VWA3B: variants seen among roughly 807,000 people sequenced by gnomAD.
The protein encoded by VWA3B is von Willebrand factor A domain-containing protein 3B.
VWA3B carries 138 observed loss-of-function variants against 158.3 expected under a neutral mutation model. The observed-to-expected ratio is 0.87, with a 90% CI of 0.76 to 1.00. The LOEUF (loss-of-function observed/expected upper bound fraction) is 1.00. Among genes scored for constraint, VWA3B ranks in the 50% least tolerant of loss-of-function variants. The probability of loss-of-function intolerance (pLI) is 0.00; values close to 1 mark genes in which losing one functional copy is unlikely to be tolerated. For synonymous variants in VWA3B, 596 were observed against 587.3 expected (o/e 1.01, Z -0.21); for missense variants, 1,555 against 1,565.1 (o/e 0.99, Z 0.11).
At chr2:98,215,395 C>T (rs1158144093) in intron 13 of VWA3B, among the ~76,000 whole-genome samples, 2 of 148,848 alleles carry the variant, frequency 1.3e-5, no homozygotes, top group African/African-American at 2.5e-5. Context: ...GAGCCGAGAT[C>T]GCGCCACTGC....
intron 23 of VWA3B, among the ~76,000 whole-genome samples, chr2:98,293,442 T>C (rs1689615593): frequency 1.3e-5 from 2 of 152,230 alleles, no homozygotes; most frequent in Admixed American, 1.3e-4. Context: ...GTGCCCTCTC[T>C]TCCCAGTCAC....
At chr2:98,208,579 T>A (rs970148214) in intron 12 of VWA3B, among the ~76,000 whole-genome samples, 2 of 152,218 alleles carry the variant, frequency 1.3e-5, no homozygotes, top group African/African-American at 2.4e-5. Context: ...ATGTAACTTA[T>A]CACAGCCTAT....
intron 22 of VWA3B, among the ~76,000 whole-genome samples, chr2:98,279,886 G>A (rs763899063): frequency 6.6e-6 from 1 of 152,168 alleles, no homozygotes; most frequent in Non-Finnish European, 1.5e-5. Flanking sequence ...AGAGAGCAAG[G>A]GGGATGCGTG....
Position 98,228,304 on chromosome 2 carries a change from T to A in VWA3B, c.2122T>A (p.Tyr708Asn), listed in dbSNP as rs1461007866. The A allele has an allele frequency of 1.9e-6, 3 of 1,613,974 alleles. No individual in the cohort carries two copies. Among genetic ancestry groups the A allele is most frequent in the South Asian group, 2.2e-5 (2 of 91,056 alleles). ...TGAGTCCTTGATCATGGACTGGTGG[T>A]ACAATGCAGAAAAGGATGGAGACAG... The part of the protein sequence containing the change: ...YSESLIMDWW[Y>N]NAEKDGDSKH... The change falls in exon 15 of 28, where the codon TAC becomes AAC. Residue 708 changes from tyrosine (Y) to asparagine (N), a missense_variant. Transcript: ENST00000477737.
At chr2:98,225,095 C>T (rs1367005723) in intron 14 of VWA3B, among the ~76,000 whole-genome samples, 1 of 152,158 alleles carries the variant, frequency 6.6e-6, no homozygotes, top group African/African-American at 2.4e-5. Flanking sequence ...GCCACCATGC[C>T]CAGCTAATTT....
chr2:98,120,697 C>T (rs1436837858), intron 4 of VWA3B, among the ~76,000 whole-genome samples: 1 of 152,172 alleles, frequency 6.6e-6, no homozygotes, highest in Non-Finnish European at 1.5e-5. Flanking sequence ...TCAAATGGCT[C>T]TTCTTTTTTT....
chr2:98,192,455 G>A (rs1029175249), intron 10 of VWA3B: 1 of 187,792 alleles, frequency 5.3e-6, no homozygotes. Context: ...GAGCTTTTGA[G>A]CCAGGATGAG....
intron 2 of VWA3B, among the ~76,000 whole-genome samples, chr2:98,096,167 GTTT>G (rs1219798259): frequency 1.8e-4 from 28 of 152,258 alleles, no homozygotes; most frequent in African/African-American, 6.5e-4. Flanking sequence ...TCCTCTTCAA[GTTT>G]TTGGGAAGAG....
In VWA3B at chr2:98,119,612, C is replaced by T. The variant is rs772865808; in HGVS notation, c.391C>T (p.Arg131Trp). The change falls in exon 4 of 28, where the codon CGG becomes TGG. Residue 131 changes from arginine (R) to tryptophan (W), a missense_variant. Arg to Trp is a moderately radical substitution (Grantham distance 101). Coordinates refer to ENST00000477737, the MANE Select transcript of VWA3B (RefSeq NM_144992.5). ...AATGGACTGGCTCACCAGCAAGAGC[C>T]GGCAGATTTTTGGTGTCATCTTGGA... is the stretch of plus-strand genomic sequence containing the variant. The part of the protein sequence containing the change: ...QRMDWLTSKS[R>W]QIFGVILEQC... 66 of 1,613,808 alleles carry T rather than the reference C, an allele frequency of 4.1e-5. No homozygotes were observed. Among genetic ancestry groups the T allele is most frequent in the South Asian group, 1.1e-4 (10 of 91,060 alleles).
intron 2 of VWA3B, among the ~76,000 whole-genome samples, chr2:98,108,340 T>A (rs1380516989): frequency 6.6e-6 from 1 of 152,230 alleles, no homozygotes; most frequent in Non-Finnish European, 1.5e-5. Flanking sequence ...CTGCTGTTGT[T>A]TTATAGAGCT....
intron 12 of VWA3B, among the ~76,000 whole-genome samples, chr2:98,208,416 G>A (rs1486877368): frequency 2.0e-5 from 3 of 151,914 alleles, no homozygotes; most frequent in African/African-American, 4.8e-5. Flanking sequence ...ATTTTTGTGT[G>A]TCTCCTCTGT....
chr2:98,156,776 A>G (rs1411836403), intron 7 of VWA3B, among the ~76,000 whole-genome samples: 2 of 150,262 alleles, frequency 1.3e-5, no homozygotes, highest in Non-Finnish European at 2.9e-5. Flanking sequence ...TATAAATGGT[A>G]TCACTTATCC....
intron 2 of VWA3B, among the ~76,000 whole-genome samples, chr2:98,105,321 T>G (rs1683361044): frequency 6.6e-6 from 1 of 152,244 alleles, no homozygotes; most frequent in African/African-American, 2.4e-5. Flanking sequence ...AAAGATCCCA[T>G]GTACCTTTCA....
chr2:98,200,836 G>A (rs1490525570), intron 12 of VWA3B, among the ~76,000 whole-genome samples: 1 of 152,160 alleles, frequency 6.6e-6, no homozygotes, highest in Non-Finnish European at 1.5e-5. Context: ...TTCATTTTGA[G>A]TTCATTTTTG....
intron 2 of VWA3B, among the ~76,000 whole-genome samples, chr2:98,113,407 C>G (rs1674296489): frequency 6.6e-6 from 1 of 152,038 alleles, no homozygotes; most frequent in Non-Finnish European, 1.5e-5. Flanking sequence ...TCACATTCCA[C>G]TGATACTGTA....
Position 98,270,830 on chromosome 2 carries a change from A to G in VWA3B, c.2992A>G (p.Met998Val). 1 of 1,614,140 alleles carries G rather than the reference A, an allele frequency of 6.2e-7. No individual in the cohort carries two copies. Among genetic ancestry groups the G allele is most frequent in the Non-Finnish European group, 8.5e-7 (1 of 1,179,996 alleles). Residue 998 changes from methionine to valine, a missense_variant, in exon 22 of 28, where the codon ATG becomes GTG. Transcript: ENST00000477737. ...LAGKMYIQQA[M>V]ELQEAAKKNY... ...TGGGAAAATGTACATCCAGCAGGCCATGGAACTCCAGGAGGCTGCCAAGAA... is the reference window on the plus strand; with the variant it reads ...TGGGAAAATGTACATCCAGCAGGCCGTGGAACTCCAGGAGGCTGCCAAGAA...
chr2:98,318,309 T>C, the VWA3B span, among the ~76,000 whole-genome samples: 2 of 152,092 alleles, frequency 1.3e-5, no homozygotes, highest in Non-Finnish European at 2.9e-5. Context: ...AGCAAAGACA[T>C]GGAATTAACC....
intron 12 of VWA3B, among the ~76,000 whole-genome samples, chr2:98,210,185 A>G (rs572813802): frequency 6.6e-6 from 1 of 152,264 alleles, no homozygotes; most frequent in East Asian, 1.9e-4. Flanking sequence ...CTTTACAGTT[A>G]TGGAATTACT....
chr2:98,196,205 A>C (rs1024935565), intron 12 of VWA3B, among the ~76,000 whole-genome samples: 4 of 152,178 alleles, frequency 2.6e-5, no homozygotes, highest in African/African-American at 9.7e-5. Flanking sequence ...CTATTGTACA[A>C]CATGGTAACT....
Sources: gnomAD v4.1 joint callset for allele counts (sites outside exome capture counted in the v4.1 genomes callset) on GRCh38, gnomAD v4.1.1 for gene constraint, MANE v1.5 for transcripts, NCBI Gene and HGNC (gene_info 2026-07-23, HGNC 2026-07-21) for gene names.